ANO4: variants seen among roughly 807,000 people sequenced by gnomAD.
ANO4 encodes the protein anoctamin-4.
ANO4 carries 69 observed loss-of-function variants against 141.9 expected under a neutral mutation model. The ratio of observed to expected loss-of-function variants is 0.49; its 90% CI spans 0.40 to 0.59. ANO4 has a LOEUF of 0.59. Ranked by LOEUF, ANO4 falls within the 20% of genes least tolerant of loss-of-function variation. ANO4 has a pLI of 0.00. For synonymous variants in ANO4, 350 were observed against 394.3 expected (o/e 0.89, Z 1.33); for missense variants, 894 against 1,162.2 (o/e 0.77, Z 3.36).
chr12:101,058,847 C>G (rs1050881101), intron 14 of ANO4, among the ~76,000 whole-genome samples: 4 of 152,028 alleles, frequency 2.6e-5, no homozygotes, highest in African/African-American at 9.7e-5. Flanking sequence ...ATTTGAATAC[C>G]CTTTATTTCT....
intron 3 of ANO4, among the ~76,000 whole-genome samples, chr12:100,934,249 T>C (rs1201174340): frequency 6.6e-6 from 1 of 152,248 alleles, no homozygotes; most frequent in Non-Finnish European, 1.5e-5. Context: ...TTTCAATCTT[T>C]AATCCATCTT....
chr12:100,801,937 AG>A (rs886763095), intron 1 of ANO4, among the ~76,000 whole-genome samples: 16 of 152,218 alleles, frequency 1.1e-4, no homozygotes, highest in African/African-American at 3.6e-4. Flanking sequence ...TTAAATCAAA[AG>A]TCTGTATTCT....
intron 1 of ANO4, among the ~76,000 whole-genome samples, chr12:100,864,688 C>G (rs534898426): frequency 6.6e-6 from 1 of 152,082 alleles, no homozygotes; most frequent in Non-Finnish European, 1.5e-5. Context: ...CTCACAAAAT[C>G]GGCATTTTTT....
intron 3 of ANO4, among the ~76,000 whole-genome samples, chr12:100,785,440 T>G (rs1488322515): frequency 6.6e-6 from 1 of 152,226 alleles, no homozygotes; most frequent in Non-Finnish European, 1.5e-5. Flanking sequence ...CATTGATATT[T>G]TTACTGTTTT....
At chr12:100,733,099 T>G (rs2031450814) in intron 1 of ANO4, among the ~76,000 whole-genome samples, 2 of 152,286 alleles carry the variant, frequency 1.3e-5, no homozygotes, top group South Asian at 4.1e-4. Context: ...CTCAGTGTCC[T>G]CCAATCTATC....
chr12:101,016,876 G>A (rs890867750), intron 8 of ANO4, among the ~76,000 whole-genome samples: 5 of 152,192 alleles, frequency 3.3e-5, no homozygotes, highest in South Asian at 4.1e-4. Flanking sequence ...CCATTTCACA[G>A]ATGAGGAAAC....
At chr12:100,757,932 A>G (rs914029402) in intron 3 of ANO4, among the ~76,000 whole-genome samples, 3 of 152,112 alleles carry the variant, frequency 2.0e-5, no homozygotes, top group Admixed American at 6.5e-5. Flanking sequence ...ATCAATTTGT[A>G]TGTATTGTTC....
intron 1 of ANO4, among the ~76,000 whole-genome samples, chr12:100,897,327 C>G (rs2040396734): frequency 6.6e-6 from 1 of 152,202 alleles, no homozygotes; most frequent in Non-Finnish European, 1.5e-5. Flanking sequence ...TTTCTGACCT[C>G]AGGGAGCCTA....
At chr12:100,751,861 T>G (rs2032397447) in intron 3 of ANO4, among the ~76,000 whole-genome samples, 1 of 152,098 alleles carries the variant, frequency 6.6e-6, no homozygotes, top group Non-Finnish European at 1.5e-5. Context: ...ATTTTGAAGA[T>G]GGGGAAAGAC....
rs1461393475 is a variant in ANO4, at chr12:100,794,997, TCTC to T, written c.-168_-166del. 6.5e-6 allele frequency: 1 copy of T among 152,672 alleles called. No homozygotes were observed. Among genetic ancestry groups the T allele is most frequent in the Non-Finnish European group, 1.5e-5 (1 of 68,074 alleles). The allele number at this position is 152,672 out of a possible 1,614,324, so 9.5% of individuals were successfully genotyped here. ...ACCAAGGCACTGAGGAAGGATCCCT[TCTC>T]CTTCTGTTGACTCTTTCTATTTTTA... On this transcript the variant is annotated 5_prime_UTR_variant, in exon 1 of 28. Transcript: ENST00000392977.
At chr12:101,114,391 T>G (rs1193211695) in intron 24 of ANO4, among the ~76,000 whole-genome samples, 2 of 152,226 alleles carry the variant, frequency 1.3e-5, no homozygotes, top group Non-Finnish European at 2.9e-5. Flanking sequence ...ACACAGCTGA[T>G]AACTGTGTGT....
At chr12:100,772,855 C>T (rs757663492) in intron 3 of ANO4, among the ~76,000 whole-genome samples, 2 of 152,176 alleles carry the variant, frequency 1.3e-5, no homozygotes, top group Admixed American at 1.3e-4. Flanking sequence ...AAAAATCACA[C>T]GATCTCAAAC....
chr12:101,101,726 T>G (rs952157583), intron 22 of ANO4, among the ~76,000 whole-genome samples: 1 of 151,804 alleles, frequency 6.6e-6, no homozygotes, highest in Non-Finnish European at 1.5e-5. Flanking sequence ...AGTGAAGACA[T>G]CAGTGAGCCA....
chr12:100,723,325 A>C (rs1033708996), intron 1 of ANO4, among the ~76,000 whole-genome samples: 1 of 152,108 alleles, frequency 6.6e-6, no homozygotes, highest in African/African-American at 2.4e-5. Flanking sequence ...TGGAGGCTGG[A>C]AGTCCCTGTT....
intron 22 of ANO4, among the ~76,000 whole-genome samples, chr12:101,105,693 C>G (rs537206882): frequency 6.6e-6 from 1 of 151,828 alleles, no homozygotes; most frequent in African/African-American, 2.4e-5. Context: ...CTATGATTTA[C>G]GTATAAAAAT....
At chr12:100,966,128 A>G (rs921152229) in intron 5 of ANO4, among the ~76,000 whole-genome samples, 2 of 152,166 alleles carry the variant, frequency 1.3e-5, no homozygotes, top group African/African-American at 4.8e-5. Context: ...AAATCCTTCC[A>G]AAATACTGGT....
intron 2 of ANO4, among the ~76,000 whole-genome samples, chr12:100,909,217 A>T (rs1453044716): frequency 6.6e-6 from 1 of 152,194 alleles, no homozygotes; most frequent in Admixed American, 6.5e-5. Context: ...GACTATCTGG[A>T]ATGATTGAAT....
intron 8 of ANO4, among the ~76,000 whole-genome samples, chr12:100,999,009 T>C (rs1396936701): frequency 1.3e-5 from 2 of 152,212 alleles, no homozygotes; most frequent in Non-Finnish European, 2.9e-5. Context: ...ACTTATCCAA[T>C]GTCAAACAGT....
chr12:101,070,939 A>C (rs1593187766), intron 14 of ANO4, among the ~76,000 whole-genome samples: 1 of 152,230 alleles, frequency 6.6e-6, no homozygotes, highest in African/African-American at 2.4e-5. Flanking sequence ...ATTGCTCATC[A>C]TAGGAATACA....
Sources: allele counts gnomAD v4.1 joint callset (sites outside exome capture counted in the v4.1 genomes callset), GRCh38; gene constraint gnomAD v4.1.1; transcripts MANE v1.5; gene names NCBI Gene and HGNC (gene_info 2026-07-23, HGNC 2026-07-21).